The following ERC2 variants were observed in gnomAD, a reference collection of about 807,000 sequenced individuals.
The protein encoded by ERC2 is ELKS/RAB6-interacting/CAST family member 2, also known as ERC protein 2.
Under a neutral mutation model 114.8 loss-of-function variants are expected in ERC2, and 42 were observed. That is an observed-to-expected ratio of 0.37 (90% CI 0.29 to 0.47). ERC2 has a LOEUF of 0.47. Among genes scored for constraint, ERC2 ranks in the 20% least tolerant of loss-of-function variants. The probability of loss-of-function intolerance (pLI) is 0.99; values close to 1 mark genes in which losing one functional copy is unlikely to be tolerated. For missense variants in ERC2, 939 were observed against 1,150.7 expected (o/e 0.82, Z 2.66); for synonymous variants, 454 against 425.5 (o/e 1.07, Z -0.82).
In ERC2 at chr3:55,631,092, T is replaced by C. The variant is rs556866222; in HGVS notation, c.*39+52702A>G. On this transcript the variant is annotated intron_variant, in intron 17 of 17. Coordinates refer to ENST00000288221, the MANE Select transcript of ERC2 (RefSeq NM_015576.3). Reference sequence around the variant, plus strand: ...CCCTAGTTTCTGTTAAGTAAGTGATTGTCTCATGGTGGTTTAGTTCAATAC... The same window carrying C: ...CCCTAGTTTCTGTTAAGTAAGTGATCGTCTCATGGTGGTTTAGTTCAATAC... Among the ~76,000 whole-genome samples, 172 of 152,202 alleles carry C rather than the reference T, an allele frequency of 1.1e-3. 3 individuals are homozygous for C. Among genetic ancestry groups the C allele is most frequent in the South Asian group, 3.7e-3 (18 of 4,810 alleles).
chr3:55,883,927 A>AC (rs2063242489), intron 14 of ERC2, among the ~76,000 whole-genome samples: 11 of 144,666 alleles, frequency 7.6e-5, no homozygotes, highest in African/African-American at 3.0e-4. Flanking sequence ...AACAACAACA[A>AC]CACCACAAAA....
intron 17 of ERC2, among the ~76,000 whole-genome samples, chr3:55,513,791 G>A (rs764469853): frequency 6.1e-4 from 93 of 151,944 alleles, no homozygotes; most frequent in Non-Finnish European, 1.1e-3. Context: ...ATGCCACCAT[G>A]TCTGGCTAAT....
At chr3:56,338,729 G>A (rs1443976858) in intron 2 of ERC2, among the ~76,000 whole-genome samples, 2 of 152,180 alleles carry the variant, frequency 1.3e-5, no homozygotes, top group African/African-American at 2.4e-5. Context: ...TGTTCTGAGG[G>A]GGGAATATGA....
At chr3:55,924,637 T>C (rs1442939460) in intron 13 of ERC2, among the ~76,000 whole-genome samples, 1 of 151,388 alleles carries the variant, frequency 6.6e-6, no homozygotes, top group African/African-American at 2.4e-5. Flanking sequence ...GAAGGTGGAG[T>C]GAGGCAGAAA....
intron 6 of ERC2, among the ~76,000 whole-genome samples, chr3:56,096,552 A>G (rs2078076290): frequency 1.3e-5 from 2 of 152,258 alleles, no homozygotes. Context: ...CATGTATCTT[A>G]TCCTTTCTGA....
chr3:56,341,249 GGTGA>G (rs1167939243), intron 2 of ERC2, among the ~76,000 whole-genome samples: 3 of 151,966 alleles, frequency 2.0e-5, no homozygotes, highest in Non-Finnish European at 2.9e-5. Context: ...GCTATTCTAA[GGTGA>G]ACTGGTTGGG....
At chr3:55,771,705 T>A (rs1358901231) in intron 14 of ERC2, among the ~76,000 whole-genome samples, 1 of 141,822 alleles carries the variant, frequency 7.1e-6, no homozygotes, top group African/African-American at 2.6e-5. Flanking sequence ...GCAGTAACTC[T>A]TGCTCCCATT....
intron 14 of ERC2, among the ~76,000 whole-genome samples, chr3:55,759,184 C>T (rs759662300): frequency 4.6e-5 from 7 of 152,170 alleles, no homozygotes; most frequent in African/African-American, 7.2e-5. Context: ...AATTAAAGCA[C>T]ATTGCAAATG....
intron 12 of ERC2, among the ~76,000 whole-genome samples, chr3:55,952,397 C>T (rs537106707): frequency 2.6e-4 from 39 of 151,886 alleles, no homozygotes; most frequent in Non-Finnish European, 3.2e-4. Flanking sequence ...AACATACACA[C>T]GTGAAGCCAC....
chr3:55,919,377 T>C (rs777668564), intron 13 of ERC2, among the ~76,000 whole-genome samples: 44 of 151,960 alleles, frequency 2.9e-4, no homozygotes, highest in Non-Finnish European at 4.6e-4. Flanking sequence ...AGACCGTCTC[T>C]AAAAAAAATC....
At chr3:55,758,618 C>T (rs942718975) in intron 14 of ERC2, among the ~76,000 whole-genome samples, 10 of 152,144 alleles carry the variant, frequency 6.6e-5, no homozygotes, top group African/African-American at 1.7e-4. Context: ...CCTAGGACAT[C>T]GCTAGCCTAC....
chr3:56,281,586 C>G (rs1225550352), intron 3 of ERC2, among the ~76,000 whole-genome samples: 2 of 152,012 alleles, frequency 1.3e-5, no homozygotes, highest in African/African-American at 4.8e-5. Flanking sequence ...GATTCCTGCC[C>G]TCAGGGAATG....
chr3:55,513,335 C>T (rs903750661), intron 17 of ERC2, among the ~76,000 whole-genome samples: 8 of 152,216 alleles, frequency 5.3e-5, no homozygotes, highest in Admixed American at 2.0e-4. Flanking sequence ...CGCTGACATT[C>T]CACTCTTTAT....
intron 13 of ERC2, among the ~76,000 whole-genome samples, chr3:55,898,035 C>T (rs2063925874): frequency 1.3e-5 from 2 of 152,206 alleles, no homozygotes; most frequent in African/African-American, 4.8e-5. Context: ...GTTTCACATT[C>T]TCCCTTTCCT....
intron 14 of ERC2, among the ~76,000 whole-genome samples, chr3:55,802,410 T>C (rs1260310659): frequency 6.6e-6 from 1 of 152,176 alleles, no homozygotes; most frequent in Non-Finnish European, 1.5e-5. Context: ...AACACCCAGA[T>C]AGGGAAATTA....
rs762255456 is a variant in ERC2, at chr3:56,010,410, A to T, written c.1920+39T>A. ...CAGCTTCATTGAATATGGGTTTATG[A>T]GGACTATCAATGTGGTTCATTTGTT... On this transcript the variant is annotated intron_variant, in intron 9 of 17. Coordinates refer to ENST00000288221, the MANE Select transcript of ERC2 (RefSeq NM_015576.3). 9.4e-6 allele frequency: 15 copies of T among 1,602,272 alleles called. No individual in the cohort carries two copies. In the East Asian group the frequency reaches 3.3e-4, roughly 36 times the overall value.
chr3:55,709,777 T>C (rs1291768104), intron 15 of ERC2, among the ~76,000 whole-genome samples: 1 of 151,996 alleles, frequency 6.6e-6, no homozygotes, highest in South Asian at 2.1e-4. Flanking sequence ...AAACATGTGG[T>C]GGGGCTGTGT....
At chr3:55,763,974 A>C (rs1343040631) in intron 14 of ERC2, among the ~76,000 whole-genome samples, 1 of 152,220 alleles carries the variant, frequency 6.6e-6, no homozygotes, top group Non-Finnish European at 1.5e-5. Flanking sequence ...ATTTTAGTGC[A>C]TTCACTAACT....
In ERC2 at chr3:55,706,612, A is replaced by G. The variant is rs533927688; in HGVS notation, c.2713-7100T>C. ...TTTTTAGTAGAGATAGGGTTTCACC[A>G]TGTCAGCCAGGCTGGTCTTGAACTC... On this transcript the variant is annotated intron_variant, in intron 15 of 17. Transcript: ENST00000288221. Among the ~76,000 whole-genome samples the G allele has an allele frequency of 1.7e-3, 261 of 151,964 alleles. 5 individuals are homozygous for G. Among genetic ancestry groups the G allele is most frequent in the Middle Eastern group, 0.01 (3 of 294 alleles).
Sources: allele counts gnomAD v4.1 joint callset (sites outside exome capture counted in the v4.1 genomes callset), GRCh38; gene constraint gnomAD v4.1.1; transcripts MANE v1.5; gene names NCBI Gene and HGNC (gene_info 2026-07-23, HGNC 2026-07-21).